HMBOX1: variants seen among roughly 807,000 people sequenced by gnomAD.
The protein encoded by HMBOX1 is homeobox-containing protein 1.
HMBOX1 carries 14 observed loss-of-function variants against 54.5 expected under a neutral mutation model. That is an observed-to-expected ratio of 0.26 (90% confidence interval 0.17 to 0.40). The LOEUF is 0.40. HMBOX1 is among the 10% of genes least tolerant of loss of function. HMBOX1 has a pLI of 1.00. For synonymous variants in HMBOX1, 160 were observed against 181.0 expected (o/e 0.88, Z 0.93); for missense variants, 332 against 514.4 (o/e 0.65, Z 3.43).
At chr8:28,961,606 A>G (rs772185685) in intron 1 of HMBOX1, among the ~76,000 whole-genome samples, 2 of 152,226 alleles carry the variant, frequency 1.3e-5, no homozygotes, top group Non-Finnish European at 2.9e-5. Flanking sequence ...TTTATCTGCC[A>G]GTGGACATTT....
intron 3 of HMBOX1, among the ~76,000 whole-genome samples, chr8:28,973,803 G>GTTATTTTTTTTTT (rs1827848531): frequency 1.4e-5 from 1 of 72,618 alleles, no homozygotes; most frequent in Non-Finnish European, 2.6e-5. Context: ...ACATAATGGA[G>GTTATTTTTTTTTT]TTTTTTTTTT....
At chr8:28,950,538 C>T (rs1226336168) in intron 1 of HMBOX1, among the ~76,000 whole-genome samples, 3 of 152,184 alleles carry the variant, frequency 2.0e-5, no homozygotes, top group Non-Finnish European at 4.4e-5. Flanking sequence ...GTGGCGGCTC[C>T]TTAGATATGT....
chr8:28,900,529 C>T (rs142503816), intron 1 of HMBOX1, among the ~76,000 whole-genome samples: 1 of 151,894 alleles, frequency 6.6e-6, no homozygotes, highest in Non-Finnish European at 1.5e-5. Flanking sequence ...TCATATTAAA[C>T]ACTGTGTCCA....
chr8:28,991,493 C>G (rs1289129969), intron 4 of HMBOX1, among the ~76,000 whole-genome samples: 1 of 152,170 alleles, frequency 6.6e-6, no homozygotes, highest in Non-Finnish European at 1.5e-5. Flanking sequence ...CAAACAGATT[C>G]ATGAACACCA....
intron 4 of HMBOX1, among the ~76,000 whole-genome samples, chr8:28,986,288 T>G (rs1830152264): frequency 6.6e-6 from 1 of 152,178 alleles, no homozygotes; most frequent in Admixed American, 6.5e-5. Flanking sequence ...ATTGTCTGGA[T>G]GTACCACAGT....
intron 1 of HMBOX1, among the ~76,000 whole-genome samples, chr8:28,936,896 TTTTAA>T (rs1219784530): frequency 6.6e-6 from 1 of 152,036 alleles, no homozygotes; most frequent in Non-Finnish European, 1.5e-5. Context: ...TTCATTCTAC[TTTTAA>T]TATAAAAACA....
intron 1 of HMBOX1, among the ~76,000 whole-genome samples, chr8:28,913,904 C>A (rs896516043): frequency 1.4e-5 from 2 of 139,062 alleles, no homozygotes; most frequent in African/African-American, 5.4e-5. Context: ...GAGTCTCACT[C>A]TTGTCACCCA....
intron 4 of HMBOX1, among the ~76,000 whole-genome samples, chr8:28,990,080 T>C (rs1830760016): frequency 6.6e-6 from 1 of 152,178 alleles, no homozygotes; most frequent in African/African-American, 2.4e-5. Context: ...CTAGTAGCTT[T>C]AAAACATTTT....
At chr8:28,896,216 T>C (rs6558083) in intron 1 of HMBOX1, among the ~76,000 whole-genome samples, 5,198 of 152,330 alleles carry the variant, frequency 0.034, 312 homozygotes, top group African/African-American at 0.12. Context: ...TAGGATGCTT[T>C]TGGCATATTA....
intron 4 of HMBOX1, among the ~76,000 whole-genome samples, chr8:28,983,069 T>G (rs1359443896): frequency 6.6e-6 from 1 of 152,206 alleles, no homozygotes; most frequent in Non-Finnish European, 1.5e-5. Flanking sequence ...ACACATTTAT[T>G]ATCTATTGTA....
chr8:29,043,435 T>C (rs1345594087), intron 6 of HMBOX1, among the ~76,000 whole-genome samples: 1 of 152,238 alleles, frequency 6.6e-6, no homozygotes, highest in African/African-American at 2.4e-5. Context: ...GCTCTGTCCA[T>C]ACATCCTATG....
chr8:29,044,844 A>C (rs1053397496), intron 6 of HMBOX1, among the ~76,000 whole-genome samples: 2 of 152,214 alleles, frequency 1.3e-5, no homozygotes, highest in East Asian at 3.8e-4. Flanking sequence ...ATAAGTATAG[A>C]TATCCCATAA....
rs532859009 is a variant in HMBOX1, at chr8:28,918,196, T to G, written c.-58+27518T>G. Among the ~76,000 whole-genome samples the G allele has an allele frequency of 2.0e-5, 3 of 152,192 alleles. No homozygotes were observed. The South Asian group carries it at 6.2e-4, about 32-fold the overall frequency. ...TTAAGAGCTATTCAACTATTCATGT[T>G]ATTTTTATTTTTATTTTTATTTTTT... On this transcript the variant is annotated intron_variant, in intron 1 of 9. Coordinates refer to ENST00000287701, the MANE Select transcript of HMBOX1 (RefSeq NM_001135726.3).
At chr8:28,911,111 G>A (rs1815326005) in intron 1 of HMBOX1, among the ~76,000 whole-genome samples, 1 of 152,184 alleles carries the variant, frequency 6.6e-6, no homozygotes, top group Non-Finnish European at 1.5e-5. Flanking sequence ...AATTCCTTAA[G>A]CAGTCAGATT....
intron 5 of HMBOX1, chr8:29,009,665 AT>A (rs1833977315): frequency 7.8e-7 from 1 of 1,281,814 alleles, no homozygotes; most frequent in African/African-American, 1.5e-5. Context: ...TGGGTAATGG[AT>A]GTATCTTTGG....
intron 1 of HMBOX1, among the ~76,000 whole-genome samples, chr8:28,938,681 CAA>C (rs1200842706): frequency 6.6e-6 from 1 of 151,426 alleles, no homozygotes; most frequent in Non-Finnish European, 1.5e-5. Context: ...CTCCTGGCCT[CAA>C]GTGATCCTTT....
At chr8:28,904,637 T>TTG (rs1423737471) in intron 1 of HMBOX1, among the ~76,000 whole-genome samples, 2 of 152,148 alleles carry the variant, frequency 1.3e-5, no homozygotes, top group Admixed American at 6.5e-5. Context: ...GAACCTTTTT[T>TTG]TGTGTGTGTG....
At chr8:28,895,331 G>A (rs1811894591) in intron 1 of HMBOX1, among the ~76,000 whole-genome samples, 1 of 152,178 alleles carries the variant, frequency 6.6e-6, no homozygotes, top group African/African-American at 2.4e-5. Flanking sequence ...AATGCTGTGG[G>A]TACTGCTGAA....
intron 6 of HMBOX1, among the ~76,000 whole-genome samples, chr8:29,041,006 C>G (rs28584575): frequency 0.029 from 4,360 of 152,102 alleles, 202 homozygotes; most frequent in African/African-American, 0.1. Context: ...TCTAGCTGGT[C>G]CAAATACACT....
Sources: gnomAD v4.1 joint callset for allele counts (sites outside exome capture counted in the v4.1 genomes callset) on GRCh38, gnomAD v4.1.1 for gene constraint, MANE v1.5 for transcripts, NCBI Gene and HGNC (gene_info 2026-07-23, HGNC 2026-07-21) for gene names.